Variants in SLC30A4 observed in about 807,000 individuals in gnomAD.
SLC30A4 encodes the protein solute carrier family 30 member 4, also known as probable proton-coupled zinc antiporter SLC30A4.
In SLC30A4, 20 loss-of-function variants were observed where a neutral mutation model predicts 41.7. The ratio of observed to expected loss-of-function variants is 0.48; its 90% CI spans 0.34 to 0.70. The LOEUF (loss-of-function observed/expected upper bound fraction) is 0.70. Among genes scored for constraint, SLC30A4 ranks in the 30% least tolerant of loss-of-function variants. The probability of loss-of-function intolerance (pLI) is 0.01; values close to 1 mark genes in which losing one functional copy is unlikely to be tolerated. For synonymous variants in SLC30A4, 181 were observed against 195.9 expected, an observed-to-expected ratio of 0.92 and a Z score of 0.64; for missense variants, 441 against 529.3, an observed-to-expected ratio of 0.83 and a Z score of 1.64.
At chr15:45,497,390 A>G (rs1891929804) in intron 3 of SLC30A4, 1 of 152,104 alleles carries the variant, frequency 6.6e-6, no homozygotes, top group Non-Finnish European at 1.5e-5. Flanking sequence ...TTTAAAACAT[A>G]TTTTGCCAGC....
rs1039754402 is a variant in SLC30A4, at chr15:45,486,734, G to A, written c.1012C>T (p.His338Tyr). ...TCTTTGATATAGTCTACATTCAAATGGCTTGGCACACCTATTAGGAATATA... is the reference window on the plus strand; with the variant it reads ...TCTTTGATATAGTCTACATTCAAATAGCTTGGCACACCTATTAGGAATATA... ...VVIILEGVPSHLNVDYIKEAL... is the reference protein window; with the variant it reads ...VVIILEGVPSYLNVDYIKEAL... The change falls in exon 7 of 8, where the codon CAT (histidine) becomes TAT (tyrosine). Residue 338 changes from histidine (H) to tyrosine (Y), a missense_variant. By Grantham distance (83) the His-to-Tyr change is moderately conservative (BLOSUM62 2). Transcript: ENST00000261867. 6.5e-7 allele frequency: 1 copy of A among 1,536,472 alleles called. No homozygotes were observed. Among genetic ancestry groups the A allele is most frequent in the Non-Finnish European group, 8.8e-7 (1 of 1,135,972 alleles).
chr15:45,506,148 G>A (rs1237310716), intron 3 of SLC30A4, among the ~76,000 whole-genome samples: 3 of 152,138 alleles, frequency 2.0e-5, no homozygotes, highest in Admixed American at 1.3e-4. Context: ...GAGCCTAGGA[G>A]GTCAAGGATG....
At chr15:45,516,359 A>C (rs1200787836) in intron 2 of SLC30A4, among the ~76,000 whole-genome samples, 1 of 152,122 alleles carries the variant, frequency 6.6e-6, no homozygotes, top group Non-Finnish European at 1.5e-5. Context: ...TATGATTCTG[A>C]TGCACACTAA....
intron 3 of SLC30A4, among the ~76,000 whole-genome samples, chr15:45,507,269 G>A (rs1021803074): frequency 6.6e-6 from 1 of 151,274 alleles, no homozygotes; most frequent in African/African-American, 2.4e-5. Context: ...GCAGTAAGCC[G>A]AGACCGCGCC....
In SLC30A4 at chr15:45,521,967, C is replaced by G; in HGVS notation, c.388G>C (p.Val130Leu). ...GTGAGTTGGCAACACAACTCACCTACAAGTTCTCCAATCATGAAAAGCAAG... is the reference window on the plus strand; with the variant it reads ...GTGAGTTGGCAACACAACTCACCTAGAAGTTCTCCAATCATGAAAAGCAAG... ...LYLLFMIGEL[V>L]GGYIANSLAI... The change falls in exon 2 of 8, where the codon GTA becomes CTA. Residue 130 changes from valine (V) to leucine (L), a missense_variant. By Grantham distance (32) the Val-to-Leu change is conservative. Coordinates refer to ENST00000261867, the MANE Select transcript of SLC30A4 (RefSeq NM_013309.6). 6.2e-7 allele frequency: 1 copy of G among 1,612,034 alleles called. No homozygotes were observed.
chr15:45,499,889 T>C (rs775887309), intron 3 of SLC30A4, among the ~76,000 whole-genome samples: 9 of 152,220 alleles, frequency 5.9e-5, no homozygotes, highest in African/African-American at 1.9e-4. Flanking sequence ...ATACAATCTA[T>C]GGTCTCACAT....
In SLC30A4 at chr15:45,482,783, G is replaced by A. The variant is rs1317411344; in HGVS notation, c.*2380C>T. 6.6e-5 allele frequency: 10 copies of A among 152,172 alleles called. No homozygotes were observed. In the East Asian group the frequency reaches 1.9e-3, roughly 29 times the overall value. 9.4% of individuals were successfully genotyped at this position (152,172 alleles called of 1,614,324 possible). On this transcript the variant is annotated 3_prime_UTR_variant, in exon 8 of 8. Transcript: ENST00000261867. ...GACTTCACAATAGGAATCCCATCATGTATATTTTCTTTTCCTTTTTGTTTT... is the reference window on the plus strand; with the variant it reads ...GACTTCACAATAGGAATCCCATCATATATATTTTCTTTTCCTTTTTGTTTT...
chr15:45,482,526 TAAAG>T lies in SLC30A4; in HGVS notation c.*2633_*2636del, dbSNP rs903793631. ...AAAAGCGAGATATGCCTTTATAAGA[TAAAG>T]AAAAGTTTACAAGAAACAAGCTCAA... On this transcript the variant is annotated 3_prime_UTR_variant, in exon 8 of 8. Coordinates refer to ENST00000261867, the MANE Select transcript of SLC30A4 (RefSeq NM_013309.6). 2 of 152,074 alleles carry T rather than the reference TAAAG, an allele frequency of 1.3e-5. No homozygotes were observed. Among genetic ancestry groups the T allele is most frequent in the African/African-American group, 4.8e-5 (2 of 41,414 alleles). The allele number at this position is 152,074 out of a possible 1,614,324, so 9.4% of individuals were successfully genotyped here.
At chr15:45,492,998 G>A (rs373118620) in intron 3 of SLC30A4, among the ~76,000 whole-genome samples, 1 of 152,168 alleles carries the variant, frequency 6.6e-6, no homozygotes, top group African/African-American at 2.4e-5. Flanking sequence ...AAGGCCAGAC[G>A]CGGTGGCTTA....
chr15:45,513,706 T>C (rs1190951284), intron 2 of SLC30A4: 3 of 152,188 alleles, frequency 2.0e-5, no homozygotes, highest in Non-Finnish European at 2.9e-5. Flanking sequence ...AGCTGTATGG[T>C]AGCCTTGAAA....
intron 3 of SLC30A4, among the ~76,000 whole-genome samples, chr15:45,492,616 G>T (rs1255668702): frequency 6.6e-6 from 1 of 151,946 alleles, no homozygotes; most frequent in African/African-American, 2.4e-5. Flanking sequence ...CTTGTAAGGT[G>T]GAATACTATG....
At chr15:45,500,634 ATCT>A (rs1363543600) in intron 3 of SLC30A4, among the ~76,000 whole-genome samples, 16 of 128,956 alleles carry the variant, frequency 1.2e-4, no homozygotes, top group Non-Finnish European at 2.1e-4. Context: ...CTATCTATCT[ATCT>A]ATCTATCTAT....
At chr15:45,517,730 C>G (rs1259096688) in intron 2 of SLC30A4, among the ~76,000 whole-genome samples, 1 of 151,904 alleles carries the variant, frequency 6.6e-6, no homozygotes, top group Non-Finnish European at 1.5e-5. Context: ...GGACAGATCA[C>G]GAGGTCAGGA....
chr15:45,484,698 G>C lies in SLC30A4; in HGVS notation c.*465C>G. The stretch of plus-strand genomic sequence containing the variant: ...TACTAGTACTTCCTGAAATCTGTTG[G>C]GTAGTAATTTCTGTAAAAAGAAAGC... On this transcript the variant is annotated 3_prime_UTR_variant, in exon 8 of 8. Coordinates refer to ENST00000261867, the MANE Select transcript of SLC30A4 (RefSeq NM_013309.6). 6.5e-6 allele frequency: 1 copy of C among 153,370 alleles called. No individual in the cohort carries two copies. Among genetic ancestry groups the C allele is most frequent in the Admixed American group, 6.5e-5 (1 of 15,278 alleles). 9.5% of individuals were successfully genotyped at this position (153,370 alleles called of 1,614,324 possible). A position where few individuals can be genotyped will look rare whatever the true frequency, so the allele number is the denominator to read the frequency against.
rs111826451 is a variant in SLC30A4 at position 45,516,661 on chromosome 15, G to A, written c.391+5303C>T. The stretch of plus-strand genomic sequence containing the variant: ...AGGTGGGCGGATCACTTGAGGTCAC[G>A]AGTTCAAGACCAGCCTGGCCAACAT... On this transcript the variant is annotated intron_variant, in intron 2 of 7. Coordinates refer to ENST00000261867, the MANE Select transcript of SLC30A4 (RefSeq NM_013309.6). Among the ~76,000 whole-genome samples, 1,299 of 152,242 alleles carry A rather than the reference G, an allele frequency of 8.5e-3. 12 individuals carry two copies. Among genetic ancestry groups the A allele is most frequent in the African/African-American group, 0.03 (1,244 of 41,538 alleles).
Position 45,482,507 on chromosome 15 carries a change from G to A in SLC30A4, c.*2656C>T, listed in dbSNP as rs1042591000. 7.2e-5 allele frequency: 11 copies of A among 151,938 alleles called. No homozygotes were observed. The highest frequency in any genetic ancestry group is 2.0e-4 in the Admixed American group (3 of 15,246). The allele number at this position is 151,938 out of a possible 1,614,324, so 9.4% of individuals were successfully genotyped here. A position where few individuals can be genotyped will look rare whatever the true frequency, so the allele number is the denominator to read the frequency against. On this transcript the variant is annotated 3_prime_UTR_variant, in exon 8 of 8. Coordinates refer to ENST00000261867, the MANE Select transcript of SLC30A4 (RefSeq NM_013309.6). ...TTAAGGAACAGGTCGATACAAAAGC[G>A]AGATATGCCTTTATAAGATAAAGAA...
chr15:45,509,155 A>T (rs1008417967), intron 3 of SLC30A4, among the ~76,000 whole-genome samples: 1 of 152,162 alleles, frequency 6.6e-6, no homozygotes, highest in Non-Finnish European at 1.5e-5. Context: ...TTTAAAAATA[A>T]TTTTGAAGCT....
At chr15:45,485,809 C>T (rs1447843621) in intron 7 of SLC30A4, among the ~76,000 whole-genome samples, 7 of 151,456 alleles carry the variant, frequency 4.6e-5, no homozygotes, top group Non-Finnish European at 1.0e-4. Flanking sequence ...CCTCTGTGTC[C>T]TGAGTGCAAG....
At position 45,483,728 on chromosome 15, in the gene SLC30A4, G is replaced by A. The variant is rs1024305420; in HGVS notation, c.*1435C>T. 4.6e-5 allele frequency: 7 copies of A among 152,292 alleles called. No homozygotes were observed. The highest frequency in any genetic ancestry group is 1.7e-4 in the African/African-American group (7 of 41,432). 9.4% of individuals were successfully genotyped at this position (152,292 alleles called of 1,614,324 possible). On this transcript the variant is annotated 3_prime_UTR_variant, in exon 8 of 8. Transcript: ENST00000261867. ...CTCTACTAAAAATACAAAAAAATGAGCTGGGTGTGGTGTACCTGTAGTCCC... is the reference window on the plus strand; with the variant it reads ...CTCTACTAAAAATACAAAAAAATGAACTGGGTGTGGTGTACCTGTAGTCCC...
Sources: gnomAD v4.1 joint callset for allele counts (sites outside exome capture counted in the v4.1 genomes callset) on GRCh38, gnomAD v4.1.1 for gene constraint, MANE v1.5 for transcripts, NCBI Gene and HGNC (gene_info 2026-07-23, HGNC 2026-07-21) for gene names.